The following SH3GLB1 variants were observed in gnomAD, a reference collection of about 807,000 sequenced individuals.
SH3GLB1 encodes the protein SH3 domain containing GRB2 like, endophilin B1.
SH3GLB1 carries 17 observed loss-of-function variants against 42.0 expected under a neutral mutation model. The observed-to-expected ratio is 0.40, with a 90% CI of 0.28 to 0.61. The LOEUF is 0.61. Among genes scored for constraint, SH3GLB1 ranks in the 20% least tolerant of loss-of-function variants. The pLI, the probability that SH3GLB1 is intolerant of heterozygous loss-of-function variation, is 0.36. For synonymous variants in SH3GLB1, 132 were observed against 146.6 expected, an observed-to-expected ratio of 0.90 and a Z score of 0.72; for missense variants, 355 against 426.3, an observed-to-expected ratio of 0.83 and a Z score of 1.47.
intron 7 of SH3GLB1, among the ~76,000 whole-genome samples, chr1:86,737,345 C>T (rs1672028997): frequency 1.3e-5 from 2 of 152,122 alleles, no homozygotes. Context: ...GACATAGGTA[C>T]ACTTCAGTGG....
intron 2 of SH3GLB1, among the ~76,000 whole-genome samples, chr1:86,716,607 A>G (rs909800847): frequency 6.6e-6 from 1 of 152,218 alleles, no homozygotes; most frequent in Non-Finnish European, 1.5e-5. Flanking sequence ...ACATTTTCAC[A>G]TAAATTATTT....
chr1:86,725,147 G>T (rs1048476849), intron 5 of SH3GLB1, among the ~76,000 whole-genome samples: 24 of 151,148 alleles, frequency 1.6e-4, no homozygotes, highest in Admixed American at 1.6e-3. Context: ...TAGCAGAAAA[G>T]ATAGTAATTA....
At chr1:86,728,473 A>C (rs1406510611) in intron 5 of SH3GLB1, 1 of 1,546,540 alleles carries the variant, frequency 6.5e-7, no homozygotes, top group Non-Finnish European at 8.7e-7. Flanking sequence ...AACTTCCTGC[A>C]TGTAAAATGG....
intron 7 of SH3GLB1, among the ~76,000 whole-genome samples, chr1:86,739,487 A>G (rs774639716): frequency 6.6e-6 from 1 of 152,196 alleles, no homozygotes; most frequent in Non-Finnish European, 1.5e-5. Flanking sequence ...GCTAACCTTG[A>G]CGAGTAGTTT....
Position 86,734,675 on chromosome 1 carries a change from G to C in SH3GLB1, c.644G>C (p.Gly215Ala). The change falls in exon 6 of 9, where the codon GGA (glycine) becomes GCA (alanine). Residue 215 changes from glycine (G) to alanine (A), a missense_variant. Gly to Ala is a moderately conservative substitution (Grantham distance 60). Transcript: ENST00000370558. ...QAEITRLLLE[G>A]ISSTHAHHLR... ...GAGATTACCAGACTTCTGCTAGAGG[G>C]AATCAGCAGTACACATGTGAGTATT... is the stretch of plus-strand genomic sequence containing the variant. 1 of 1,612,284 alleles carries C rather than the reference G, an allele frequency of 6.2e-7. No individual in the cohort carries two copies. Among genetic ancestry groups the C allele is most frequent in the East Asian group, 2.2e-5 (1 of 44,808 alleles).
intron 1 of SH3GLB1, among the ~76,000 whole-genome samples, chr1:86,714,735 T>A (rs1255471870): frequency 6.6e-6 from 1 of 152,194 alleles, no homozygotes; most frequent in Non-Finnish European, 1.5e-5. Flanking sequence ...GAGTCATTAC[T>A]GAGCACAGAA....
At position 86,739,363 on chromosome 1, in the gene SH3GLB1, A is replaced by G. The variant is rs1167547734; in HGVS notation, c.762-2845A>G. 2.6e-5 allele frequency among the ~76,000 whole-genome samples: 4 copies of G among 152,186 alleles called. No homozygotes were observed. In the East Asian group the frequency reaches 7.7e-4, roughly 29 times the overall value. On this transcript the variant is annotated intron_variant, in intron 7 of 8. Coordinates refer to ENST00000370558, the MANE Select transcript of SH3GLB1 (RefSeq NM_016009.5). ...GCAGTGAGGTAAAATGGAAACTAAG[A>G]GTATGGCCTGGAAGTCAAGTGAACA...
At chr1:86,729,417 G>C (rs910390877) in intron 5 of SH3GLB1, among the ~76,000 whole-genome samples, 1 of 151,926 alleles carries the variant, frequency 6.6e-6, no homozygotes, top group Non-Finnish European at 1.5e-5. Context: ...GGCTGAATTA[G>C]GGCTTACCTT....
At chr1:86,724,892 A>AAAAAAAAAAAAATATATATATATATAT in intron 5 of SH3GLB1, among the ~76,000 whole-genome samples, 1 of 99,686 alleles carries the variant, frequency 1.0e-5, no homozygotes, top group East Asian at 2.8e-4. Context: ...AAAAAAAAAA[A>AAAAAAAAAAAAATATATATATATATAT]ATATATATAT....
rs563061136 is a variant in SH3GLB1 at position 86,743,003 on chromosome 1, A to G, written c.991-125A>G. 3 of 740,264 alleles carry G rather than the reference A, an allele frequency of 4.1e-6. No individual in the cohort carries two copies. In the African/African-American group the frequency reaches 5.3e-5, roughly 13 times the overall value. 45.9% of individuals were successfully genotyped at this position (740,264 alleles called of 1,614,324 possible). On this transcript the variant is annotated intron_variant, in intron 8 of 8. Coordinates refer to ENST00000370558, the MANE Select transcript of SH3GLB1 (RefSeq NM_016009.5). ...AAATAAATCCTTTGTTTTTCAGCACAATTGATAATAACGTTTAAAGTCCTT... is the reference window on the plus strand; with the variant it reads ...AAATAAATCCTTTGTTTTTCAGCACGATTGATAATAACGTTTAAAGTCCTT...
At chr1:86,710,341 C>T (rs1281195259) in intron 1 of SH3GLB1, among the ~76,000 whole-genome samples, 1 of 151,870 alleles carries the variant, frequency 6.6e-6, no homozygotes, top group Non-Finnish European at 1.5e-5. Flanking sequence ...CTTGGCTCAC[C>T]GCAATCTCCG....
At chr1:86,734,741 C>G (rs1421898838) in intron 6 of SH3GLB1, 50 bp downstream of exon 6, 1 of 1,421,594 alleles carries the variant, frequency 7.0e-7, no homozygotes, top group African/African-American at 1.4e-5. Flanking sequence ...TTTGGTAGTC[C>G]TAAGGCAATT....
rs1165438979 is a variant in SH3GLB1, at chr1:86,724,874, TAAAAAAAAAAA to T, written c.570+478_570+488del. Among the ~76,000 whole-genome samples, 13 of 97,898 alleles carry T rather than the reference TAAAAAAAAAAA, an allele frequency of 1.3e-4. 1 individual carries two copies. Among genetic ancestry groups the T allele is most frequent in the African/African-American group, 4.0e-4 (8 of 20,250 alleles). The allele number at this position is 97,898 out of a possible 152,430, so 64.2% of individuals were successfully genotyped here. A position where few individuals can be genotyped will look rare whatever the true frequency, so the allele number is the denominator to read the frequency against. ...GGGCAACAGAGCCAGACCCTGTCTTTAAAAAAAAAAAAAAAAAAATATATATATATATATAT... is the reference window on the plus strand; with the variant it reads ...GGGCAACAGAGCCAGACCCTGTCTTTAAAAAAAATATATATATATATATAT... On this transcript the variant is annotated intron_variant, in intron 5 of 8. Coordinates refer to ENST00000370558, the MANE Select transcript of SH3GLB1 (RefSeq NM_016009.5).
rs1656100745 is a variant in SH3GLB1 at position 86,742,341 on chromosome 1, A to G, written c.895A>G (p.Ser299Gly). ...AGTAATCACCTCTCCTTCCAACCTCAGTGACCTTAAGGAGTGTAGTGGCAG... is the reference window on the plus strand; with the variant it reads ...AGTAATCACCTCTCCTTCCAACCTCGGTGACCTTAAGGAGTGTAGTGGCAG... ...GLVITSPSNL[S>G]DLKECSGSRK... The change falls in exon 8 of 9, where the codon AGT (serine) becomes GGT (glycine). Residue 299 changes from serine to glycine, a missense_variant. Transcript: ENST00000370558. 10 of 1,614,098 alleles carry G rather than the reference A, an allele frequency of 6.2e-6. No individual in the cohort carries two copies. Among genetic ancestry groups the G allele is most frequent in the Non-Finnish European group, 8.5e-6 (10 of 1,180,014 alleles).
chr1:86,742,558 T>C, intron 8 of SH3GLB1, 122 bp downstream of exon 8: 1 of 587,880 alleles, frequency 1.7e-6, no homozygotes, highest in Non-Finnish European at 2.9e-6. Context: ...CAGATAGTTA[T>C]ATTAACATAA....
intron 1 of SH3GLB1, among the ~76,000 whole-genome samples, chr1:86,707,236 T>C (rs1653922213): frequency 6.6e-6 from 1 of 152,238 alleles, no homozygotes; most frequent in South Asian, 2.1e-4. Flanking sequence ...GGCAAGTCTT[T>C]CTAATAGGAT....
chr1:86,738,975 G>C (rs958162574), intron 7 of SH3GLB1, among the ~76,000 whole-genome samples: 1 of 152,328 alleles, frequency 6.6e-6, no homozygotes, highest in South Asian at 2.1e-4. Context: ...CTGAAAGAAT[G>C]GGGAGTTGTA....
At chr1:86,710,197 T>C (rs1013054453) in intron 1 of SH3GLB1, among the ~76,000 whole-genome samples, 5 of 152,236 alleles carry the variant, frequency 3.3e-5, no homozygotes, top group Admixed American at 6.5e-5. Context: ...TTTACACTTA[T>C]GTACTACATG....
In SH3GLB1 at chr1:86,719,544, T is replaced by C; in HGVS notation, c.252T>C (p.Asp84=). ...AAGAATTTGTTTATGAGAAACTGGATAGAAAAGCTCCAAGTCGTATAAACA... is the reference window on the plus strand; with the variant it reads ...AAGAATTTGTTTATGAGAAACTGGACAGAAAAGCTCCAAGTCGTATAAACA... ...RIEEFVYEKL[D]RKAPSRINNP... The change falls in exon 3 of 9, where the codon GAT becomes GAC. Residue 84 remains aspartate, a synonymous_variant. Coordinates refer to ENST00000370558, the MANE Select transcript of SH3GLB1 (RefSeq NM_016009.5). 1 of 1,610,610 alleles carries C rather than the reference T, an allele frequency of 6.2e-7. No individual in the cohort carries two copies. Among genetic ancestry groups the C allele is most frequent in the Non-Finnish European group, 8.5e-7 (1 of 1,178,196 alleles).
Sources: gnomAD v4.1 joint callset for allele counts (sites outside exome capture counted in the v4.1 genomes callset) on GRCh38, gnomAD v4.1.1 for gene constraint, MANE v1.5 for transcripts, NCBI Gene and HGNC (gene_info 2026-07-23, HGNC 2026-07-21) for gene names.